The following ZNF827 variants were observed in gnomAD, a reference collection of about 807,000 sequenced individuals.
ZNF827 encodes the protein zinc finger protein 827.
A neutral mutation model predicts 102.4 loss-of-function variants in ZNF827; 13 were observed. The observed-to-expected ratio is 0.13, with a 90% CI of 0.08 to 0.20. ZNF827 has a LOEUF of 0.20. Among genes scored for constraint, ZNF827 ranks in the 10% least tolerant of loss-of-function variants. ZNF827 has a pLI of 1.00. For missense variants in ZNF827, 1,103 were observed against 1,344.4 expected, an observed-to-expected ratio of 0.82 and a Z score of 2.81; for synonymous variants, 523 against 536.2, an observed-to-expected ratio of 0.98 and a Z score of 0.34.
Position 145,779,361 on chromosome 4 carries a change from C to A in ZNF827, c.2521+13G>T, listed in dbSNP as rs1447945149. ...AGCATAGAGGGCTGACAGCCCAGGC[C>A]CTACTCACTCACCTGTGTGCAGCGA... On this transcript the variant is annotated intron_variant, in intron 9 of 14. Coordinates refer to ENST00000508784, the MANE Select transcript of ZNF827 (RefSeq NM_001306215.2). 1 of 1,613,266 alleles carries A rather than the reference C, an allele frequency of 6.2e-7. No homozygotes were observed. The highest frequency in any genetic ancestry group is 1.3e-5 in the African/African-American group (1 of 74,912).
intron 1 of ZNF827, among the ~76,000 whole-genome samples, chr4:145,937,677 G>A (rs1237717769): frequency 2.1e-5 from 2 of 94,332 alleles, no homozygotes; most frequent in Non-Finnish European, 4.3e-5. Context: ...AGCCGCTCCC[G>A]CCTCGCCCGC....
chr4:145,771,794 A>G (rs1272064067), intron 11 of ZNF827, among the ~76,000 whole-genome samples: 3 of 152,252 alleles, frequency 2.0e-5, no homozygotes, highest in Non-Finnish European at 4.4e-5. Context: ...TATCCTGTAG[A>G]TCACAACTTC....
Position 145,883,863 on chromosome 4 carries a change from G to A in ZNF827, c.1747+1815C>T, listed in dbSNP as rs541051340. Among the ~76,000 whole-genome samples, 4 of 152,266 alleles carry A rather than the reference G, an allele frequency of 2.6e-5. No individual in the cohort carries two copies. The South Asian group carries it at 6.2e-4, about 24-fold the overall frequency. Reference sequence around the variant, plus strand: ...TAAAAGGAGCCCCCTTTGCTATCACGGTGGCAGGGAAGACAATCAAGGAAA... The same window carrying A: ...TAAAAGGAGCCCCCTTTGCTATCACAGTGGCAGGGAAGACAATCAAGGAAA... On this transcript the variant is annotated intron_variant, in intron 4 of 14. Transcript: ENST00000508784.
chr4:145,846,983 G>A (rs1448706664), intron 6 of ZNF827, among the ~76,000 whole-genome samples: 5 of 146,506 alleles, frequency 3.4e-5, no homozygotes, highest in African/African-American at 1.3e-4. Flanking sequence ...GTGAAAACCC[G>A]TCTCTACTAA....
chr4:145,891,325 G>A (rs1750585945), intron 3 of ZNF827, among the ~76,000 whole-genome samples: 1 of 152,162 alleles, frequency 6.6e-6, no homozygotes, highest in Non-Finnish European at 1.5e-5. Flanking sequence ...AGGTTAACTT[G>A]CTCAAGGCCA....
rs1033120973 is a variant in ZNF827, at chr4:145,759,910, A to T, written c.*1706T>A. The T allele has an allele frequency of 2.2e-4, 34 of 152,310 alleles. No individual in the cohort carries two copies. Among genetic ancestry groups the T allele is most frequent in the Admixed American group, 9.2e-4 (14 of 15,294 alleles). 9.4% of individuals were successfully genotyped at this position (152,310 alleles called of 1,614,324 possible). On this transcript the variant is annotated 3_prime_UTR_variant, in exon 15 of 15. Transcript: ENST00000508784. ...ATTAATACATCTCATATATATATAT[A>T]ATCTGCCCTTAAAAAATGATGCACT...
At chr4:145,879,723 C>CTAAATAATTCCTGAGATGCCTAAAACTAT (rs1749505585) in intron 4 of ZNF827, among the ~76,000 whole-genome samples, 1 of 152,206 alleles carries the variant, frequency 6.6e-6, no homozygotes, top group Non-Finnish European at 1.5e-5. Flanking sequence ...TCTATTTGTA[C>CTAAATAATTCCTGAGATGCCTAAAACTAT]TAAATAATTC....
At chr4:145,921,584 G>T (rs1281190240) in intron 1 of ZNF827, among the ~76,000 whole-genome samples, 4 of 151,316 alleles carry the variant, frequency 2.6e-5, no homozygotes, top group Non-Finnish European at 5.9e-5. Context: ...ATTTATTCTA[G>T]AGATATTTGG....
intron 7 of ZNF827, among the ~76,000 whole-genome samples, chr4:145,826,644 C>T (rs1743710735): frequency 6.6e-6 from 1 of 152,224 alleles, no homozygotes; most frequent in Admixed American, 6.5e-5. Context: ...TAATCTCTTA[C>T]TATGCCTAAT....
At chr4:145,772,737 G>C (rs59457671) in intron 11 of ZNF827, among the ~76,000 whole-genome samples, 7,027 of 152,220 alleles carry the variant, frequency 0.046, 529 homozygotes, top group African/African-American at 0.16. Context: ...AGCATTAAAG[G>C]CTCCTACTGA....
chr4:145,852,420 G>C (rs1176324037), intron 5 of ZNF827, among the ~76,000 whole-genome samples: 1 of 152,136 alleles, frequency 6.6e-6, no homozygotes, highest in Non-Finnish European at 1.5e-5. Flanking sequence ...ACAAAACACT[G>C]ATCACTGATA....
chr4:145,785,612 TC>T (rs1321289059), intron 8 of ZNF827, among the ~76,000 whole-genome samples: 1 of 152,102 alleles, frequency 6.6e-6, no homozygotes, highest in Admixed American at 6.5e-5. Flanking sequence ...AAATCTTAGT[TC>T]AAGGAGGAAC....
chr4:145,770,160 G>A (rs577517302), intron 11 of ZNF827, among the ~76,000 whole-genome samples: 4 of 152,152 alleles, frequency 2.6e-5, no homozygotes, highest in African/African-American at 4.8e-5. Context: ...TAAGCTGGGC[G>A]TGGTGCCCCA....
chr4:145,849,145 CT>C (rs1455750225), intron 6 of ZNF827, among the ~76,000 whole-genome samples, 176 bp downstream of exon 6: 9 of 152,082 alleles, frequency 5.9e-5, no homozygotes, highest in Admixed American at 3.9e-4. Context: ...AGGAATTCTA[CT>C]TGGCAACACT....
At chr4:145,878,877 G>C (rs1749422809) in intron 4 of ZNF827, among the ~76,000 whole-genome samples, 1 of 152,038 alleles carries the variant, frequency 6.6e-6, no homozygotes, top group Non-Finnish European at 1.5e-5. Flanking sequence ...GGATGGGTGG[G>C]GGCAGTGCTG....
In ZNF827 at chr4:145,760,981, A is replaced by C; in HGVS notation, c.*635T>G. The C allele has an allele frequency of 1.6e-6, 2 of 1,248,646 alleles. No homozygotes were observed. The highest frequency in any genetic ancestry group is 2.1e-6 in the Non-Finnish European group (2 of 969,146). The allele number at this position is 1,248,646 out of a possible 1,614,324, so 77.3% of individuals were successfully genotyped here. On this transcript the variant is annotated 3_prime_UTR_variant, in exon 15 of 15. Transcript: ENST00000508784. ...GTCAAAGCGCAAAGGGGAGCCGTTG[A>C]AGGCCAAAGCCTTGAGTGCCAGGTT...
At chr4:145,855,547 C>T (rs1191648727) in intron 5 of ZNF827, among the ~76,000 whole-genome samples, 1 of 151,736 alleles carries the variant, frequency 6.6e-6, no homozygotes, top group East Asian at 1.9e-4. Flanking sequence ...GACTGGCACC[C>T]GCTGGCATCT....
At chr4:145,888,202 T>G (rs111661712) in intron 3 of ZNF827, among the ~76,000 whole-genome samples, 10 of 152,322 alleles carry the variant, frequency 6.6e-5, no homozygotes, top group African/African-American at 1.9e-4. Flanking sequence ...TTTTTTGAGC[T>G]ACAACTTCCC....
At chr4:145,914,062 G>GACACACACAC (rs34866639) in intron 1 of ZNF827, among the ~76,000 whole-genome samples, 102 of 148,216 alleles carry the variant, frequency 6.9e-4, no homozygotes, top group South Asian at 4.1e-3. Context: ...TTTCTTTGTA[G>GACACACACAC]ACACACACAC....
Sources: allele counts gnomAD v4.1 joint callset (sites outside exome capture counted in the v4.1 genomes callset), GRCh38; gene constraint gnomAD v4.1.1; transcripts MANE v1.5; gene names NCBI Gene and HGNC (gene_info 2026-07-23, HGNC 2026-07-21).